NOX1: variants seen among roughly 807,000 people sequenced by gnomAD.
NOX1 encodes the protein NADH/NADPH mitogenic oxidase subunit P65-MOX.
Under a neutral mutation model 42.5 loss-of-function variants are expected in NOX1, and 34 were observed. That is an observed-to-expected ratio of 0.80 (90% CI 0.61 to 1.07). The LOEUF is 1.07. NOX1 is among the 50% of genes least tolerant of loss of function. NOX1 has a pLI of 0.00. For synonymous variants in NOX1, 143 were observed against 152.5 expected, an observed-to-expected ratio of 0.94 and a Z score of 0.46; for missense variants, 408 against 427.0, an observed-to-expected ratio of 0.96 and a Z score of 0.39.
At position 100,848,734 on chromosome X, in the gene NOX1, G is replaced by A; in HGVS notation, c.1464C>T (p.Asn488=). Residue 488 remains asparagine, a synonymous_variant, in exon 12 of 13, where the codon AAC becomes AAT. Transcript: ENST00000372966. ...TCACGATGTCAGTGGCCTTGTCAAA[G>A]TTTAATGCTGCATGACCAACCTGGA... The part of the protein sequence containing the change: ...DSNIVGHAAL[N]FDKATDIVTG... The A allele has an allele frequency of 1.7e-6, 2 of 1,210,428 alleles. No homozygotes were observed.
Position 100,843,386 on chromosome X carries a change from C to T in NOX1, c.*566G>A. 8.8e-7 allele frequency: 1 copy of T among 1,138,059 alleles called. No homozygotes were observed. The highest frequency in any genetic ancestry group is 2.2e-5 in the South Asian group (1 of 45,443). 93.8% of individuals were successfully genotyped at this position (1,138,059 alleles called of 1,213,427 possible). A position where few individuals can be genotyped will look rare whatever the true frequency, so the allele number is the denominator to read the frequency against. Reference sequence around the variant, plus strand: ...AAAAATAAGAATAAATTGCTGTTCACACTGGATAAGACCATATCAAAAGTG... The same window carrying T: ...AAAAATAAGAATAAATTGCTGTTCATACTGGATAAGACCATATCAAAAGTG... On this transcript the variant is annotated 3_prime_UTR_variant, in exon 13 of 13. Coordinates refer to ENST00000372966, the MANE Select transcript of NOX1 (RefSeq NM_007052.5).
At chrX:100,849,484 A>G in intron 10 of NOX1, 58 bp from the exon 11 acceptor site, 1 of 1,117,372 alleles carries the variant, frequency 8.9e-7, no homozygotes, top group Non-Finnish European at 1.2e-6. Flanking sequence ...TCACATTTAT[A>G]GAGCCGCAAA....
In NOX1 at chrX:100,856,495, C is replaced by T. The variant is rs1569446698; in HGVS notation, c.805-5170G>A. ...TGTCTACTAGTCCGCTAATACAGAT[C>T]CCTGGTTATGATCTTATAATTTCCT... On this transcript the variant is annotated intron_variant, in intron 7 of 12. Coordinates refer to ENST00000372966, the MANE Select transcript of NOX1 (RefSeq NM_007052.5). 3 of 338,184 alleles carry T rather than the reference C, an allele frequency of 8.9e-6. No individual in the cohort carries two copies. The East Asian group carries it at 1.4e-4, about 16-fold the overall frequency. 27.9% of individuals were successfully genotyped at this position (338,184 alleles called of 1,213,427 possible).
chrX:100,851,773 G>A (rs954117157), intron 7 of NOX1, among the ~76,000 whole-genome samples: 4 of 110,705 alleles, frequency 3.6e-5, no homozygotes, highest in Admixed American at 1.9e-4. Context: ...AATTAGCTGC[G>A]CGTGGTGGTG....
chrX:100,855,934 C>G, intron 7 of NOX1: 1 of 1,169,071 alleles, frequency 8.6e-7, no homozygotes. Flanking sequence ...TCAAAAGTTA[C>G]AAAGGCAAAG....
At chrX:100,853,253 C>CTTT (rs1569445424) in intron 7 of NOX1, among the ~76,000 whole-genome samples, 23 of 33,379 alleles carry the variant, frequency 6.9e-4, no homozygotes, top group African/African-American at 1.9e-3. Context: ...TTCCTTCCTT[C>CTTT]CTTCCTTCCT....
Position 100,849,433 on chromosome X carries a change from T to A in NOX1, c.1297-7A>T. Reference sequence around the variant, plus strand: ...AGATCCAGTAGAAATAGATCTGAAATCAGCAAGAGAGAACATAGCCTTATT... The same window carrying A: ...AGATCCAGTAGAAATAGATCTGAAAACAGCAAGAGAGAACATAGCCTTATT... On this transcript the variant is annotated splice_polypyrimidine_tract_variant and splice_region_variant and intron_variant, in intron 10 of 12. Transcript: ENST00000372966. The A allele has an allele frequency of 1.7e-6, 2 of 1,208,128 alleles. No homozygotes were observed. Among genetic ancestry groups the A allele is most frequent in the Non-Finnish European group, 2.2e-6 (2 of 893,362 alleles).
chrX:100,869,154 G>A (rs755575639), intron 2 of NOX1, among the ~76,000 whole-genome samples: 1 of 110,816 alleles, frequency 9.0e-6, no homozygotes, highest in South Asian at 3.9e-4. Context: ...GCTCTTTTTT[G>A]GTTCCATATG....
intron 12 of NOX1, among the ~76,000 whole-genome samples, chrX:100,845,945 G>A (rs1344730075): frequency 1.8e-5 from 2 of 110,166 alleles, no homozygotes; most frequent in African/African-American, 3.3e-5. Context: ...CACCGCACCC[G>A]GCTAATTTTT....
intron 1 of NOX1, among the ~76,000 whole-genome samples, chrX:100,873,815 A>G (rs2085290669): frequency 9.0e-6 from 1 of 111,718 alleles, no homozygotes; most frequent in Admixed American, 9.5e-5. Context: ...ATCAGCACTC[A>G]TGGTAGTAGT....
chrX:100,862,304 C>T lies in NOX1; in HGVS notation c.672-1G>A. On this transcript the variant is annotated splice_acceptor_variant, in intron 6 of 12. Transcript: ENST00000372966. LOFTEE classifies it high-confidence loss of function. The stretch of plus-strand genomic sequence containing the variant: ...CTCTGTTTGACCCCGGACAATTCCA[C>T]TGAAATAGACAAAGAAGGATGGTTT... 2 of 1,211,214 alleles carry T rather than the reference C, an allele frequency of 1.7e-6. No individual in the cohort carries two copies. The highest frequency in any genetic ancestry group is 3.0e-5 in the East Asian group (1 of 33,816).
In NOX1 at chrX:100,850,383, C is replaced by A; in HGVS notation, c.901G>T (p.Val301Phe). 8.6e-7 allele frequency: 1 copy of A among 1,161,234 alleles called. No homozygotes were observed. The highest frequency in any genetic ancestry group is 1.2e-6 in the Non-Finnish European group (1 of 862,266). ...TCCAAAACTTTGGATGGGTGCATAACAACCTGTGAATGAAGCACATAGACC... is the reference window on the plus strand; with the variant it reads ...TCCAAAACTTTGGATGGGTGCATAAAAACCTGTGAATGAAGCACATAGACC... Reference protein sequence around the residue: ...SQQKVVITKVVMHPSKVLELQ... With the variant: ...SQQKVVITKVFMHPSKVLELQ... The change falls in exon 9 of 13, where the codon GTT (valine) becomes TTT (phenylalanine). Residue 301 changes from valine (V) to phenylalanine (F), a missense_variant. By Grantham distance (50) the Val-to-Phe change is conservative. Coordinates refer to ENST00000372966, the MANE Select transcript of NOX1 (RefSeq NM_007052.5).
intron 12 of NOX1, among the ~76,000 whole-genome samples, chrX:100,846,643 C>G (rs1006480157): frequency 1.8e-5 from 2 of 111,831 alleles, no homozygotes; most frequent in Non-Finnish European, 3.8e-5. Flanking sequence ...CCCTCCCTCT[C>G]TCTCTCTCTC....
At chrX:100,856,472 T>A (rs2085167931) in intron 7 of NOX1, 1 of 414,667 alleles carries the variant, frequency 2.4e-6, no homozygotes, top group South Asian at 4.3e-5. Flanking sequence ...GGTCCTCTTG[T>A]CTACTAGTCC....
chrX:100,851,353 AT>A, intron 7 of NOX1, 28 bp from the exon 8 acceptor site: 1 of 868,229 alleles, frequency 1.2e-6, no homozygotes, highest in Non-Finnish European at 1.6e-6. Flanking sequence ...TAAGAATGAG[AT>A]TACACACTAA....
chrX:100,860,816 C>T (rs187284901), intron 7 of NOX1, among the ~76,000 whole-genome samples: 6 of 111,550 alleles, frequency 5.4e-5, no homozygotes, highest in Admixed American at 1.9e-4. Flanking sequence ...GGCTGGAGTG[C>T]AGTGGCATGA....
At chrX:100,859,928 A>C (rs1381316427) in intron 7 of NOX1, among the ~76,000 whole-genome samples, 3 of 110,125 alleles carry the variant, frequency 2.7e-5, no homozygotes, top group Non-Finnish European at 3.8e-5. Flanking sequence ...CTTTCTAAAT[A>C]GGTAATATAT....
intron 12 of NOX1, among the ~76,000 whole-genome samples, chrX:100,848,365 A>G (rs1487264913): frequency 1.8e-5 from 2 of 110,215 alleles, no homozygotes; most frequent in African/African-American, 6.6e-5. Flanking sequence ...ATCTCAGCTC[A>G]TTGCAACCTC....
intron 2 of NOX1, among the ~76,000 whole-genome samples, chrX:100,866,488 CTG>C (rs36112590): frequency 0.1 from 9,920 of 96,398 alleles, 1,123 homozygotes; most frequent in African/African-American, 0.33. Flanking sequence ...GTGTGTGTCC[CTG>C]TGTGTGTGTG....
Sources: allele counts gnomAD v4.1 joint callset (sites outside exome capture counted in the v4.1 genomes callset), GRCh38; gene constraint gnomAD v4.1.1; transcripts MANE v1.5; gene names NCBI Gene and HGNC (gene_info 2026-07-23, HGNC 2026-07-21).